The following LINGO2 variants were observed in gnomAD, a reference collection of about 807,000 sequenced individuals.
LINGO2 encodes leucine rich repeat and Ig domain containing 2.
A neutral mutation model predicts 30.6 loss-of-function variants in LINGO2; 14 were observed. The ratio of observed to expected loss-of-function variants is 0.46; its 90% CI spans 0.30 to 0.72. The LOEUF (loss-of-function observed/expected upper bound fraction) is 0.72, where lower values mean the gene tolerates loss of function less well. Ranked by LOEUF, LINGO2 falls within the 30% of genes least tolerant of loss-of-function variation. The pLI, the probability that LINGO2 is intolerant of heterozygous loss-of-function variation, is 0.07. For missense variants in LINGO2, 729 were observed against 751.7 expected, an observed-to-expected ratio of 0.97 and a Z score of 0.35; for synonymous variants, 317 against 288.5, an observed-to-expected ratio of 1.10 and a Z score of -1.00.
chr9:29,205,152 T>C, the LINGO2 span, among the ~76,000 whole-genome samples: 16 of 152,172 alleles, frequency 1.1e-4, no homozygotes, highest in Admixed American at 3.3e-4. Context: ...GTGATTCTCC[T>C]GCCTTAGCTT....
chr9:28,706,101 C>T, the LINGO2 span, among the ~76,000 whole-genome samples: 3 of 152,142 alleles, frequency 2.0e-5, no homozygotes, highest in South Asian at 6.2e-4. Context: ...TATTTATAAC[C>T]TCACGCTAGG....
At chr9:28,138,291 C>T (rs1827572591) in intron 4 of LINGO2, among the ~76,000 whole-genome samples, 1 of 152,064 alleles carries the variant, frequency 6.6e-6, no homozygotes, top group African/African-American at 2.4e-5. Flanking sequence ...TGATTTTTTT[C>T]CTTTGCTTTA....
intron 1 of LINGO2, among the ~76,000 whole-genome samples, chr9:28,557,524 T>C (rs887952769): frequency 2.0e-5 from 3 of 151,852 alleles, no homozygotes; most frequent in Non-Finnish European, 2.9e-5. Context: ...TGTGGAGAAA[T>C]AGGAACACTT....
chr9:27,946,048 G>C (rs1283148729), downstream of LINGO2, among the ~76,000 whole-genome samples: 1 of 152,106 alleles, frequency 6.6e-6, no homozygotes, highest in Non-Finnish European at 1.5e-5. Context: ...CGTCACAAGA[G>C]TATTACTCTA....
intron 4 of LINGO2, among the ~76,000 whole-genome samples, chr9:28,280,866 C>T (rs1193424764): frequency 6.6e-6 from 1 of 152,172 alleles, no homozygotes; most frequent in East Asian, 1.9e-4. Flanking sequence ...TGATGCTTCT[C>T]TGGGTAGTCA....
At chr9:28,253,258 T>G (rs1265057316) in intron 4 of LINGO2, among the ~76,000 whole-genome samples, 4 of 152,098 alleles carry the variant, frequency 2.6e-5, no homozygotes, top group African/African-American at 9.7e-5. Context: ...TGTAGGATAT[T>G]GACAGGTGCC....
chr9:29,055,949 C>CAGATAT, the LINGO2 span, among the ~76,000 whole-genome samples: 1 of 123,140 alleles, frequency 8.1e-6, no homozygotes, highest in Admixed American at 8.2e-5. Flanking sequence ...TGTATATATA[C>CAGATAT]ATATATATGT....
At chr9:29,103,279 G>A in the LINGO2 span, among the ~76,000 whole-genome samples, 1 of 142,886 alleles carries the variant, frequency 7.0e-6, no homozygotes, top group East Asian at 2.1e-4. Flanking sequence ...AACTTCTACA[G>A]CAGCTAGAAA....
chr9:28,577,326 CA>C (rs1305440519), intron 1 of LINGO2, among the ~76,000 whole-genome samples: 1 of 152,046 alleles, frequency 6.6e-6, no homozygotes. Flanking sequence ...TTTCTGAAAC[CA>C]GATGACTTCA....
chr9:28,669,306 CT>C (rs1015844421), intron 1 of LINGO2, among the ~76,000 whole-genome samples: 2 of 151,676 alleles, frequency 1.3e-5, no homozygotes, highest in Non-Finnish European at 2.9e-5. Context: ...TAGAAAACTT[CT>C]TTTTTTTCAG....
chr9:28,401,300 C>A (rs1274563218), intron 2 of LINGO2, among the ~76,000 whole-genome samples: 1 of 152,056 alleles, frequency 6.6e-6, no homozygotes, highest in East Asian at 1.9e-4. Flanking sequence ...CCCCAACCCC[C>A]AACAGGCCCT....
chr9:28,276,596 A>G (rs1396938496), intron 4 of LINGO2, among the ~76,000 whole-genome samples: 1 of 152,148 alleles, frequency 6.6e-6, no homozygotes, highest in Admixed American at 6.5e-5. Flanking sequence ...TCTGTTGGAA[A>G]AGTCTTTGTT....
chr9:29,163,736 A>G, the LINGO2 span, among the ~76,000 whole-genome samples: 3 of 152,214 alleles, frequency 2.0e-5, no homozygotes, highest in African/African-American at 7.2e-5. Context: ...TTACAAATGC[A>G]ACACTTTCAT....
intron 4 of LINGO2, among the ~76,000 whole-genome samples, chr9:28,117,732 G>A (rs1051730348): frequency 2.1e-5 from 3 of 145,624 alleles, no homozygotes; most frequent in South Asian, 2.3e-4. Flanking sequence ...GACCCCTTGC[G>A]CTTCCCAGGT....
chr9:28,982,310 A>G, the LINGO2 span, among the ~76,000 whole-genome samples: 3 of 152,096 alleles, frequency 2.0e-5, no homozygotes, highest in African/African-American at 7.2e-5. Context: ...GTCTTTTACT[A>G]ATAATTGAAA....
rs183133809 is a variant in LINGO2 at position 28,026,051 on chromosome 9, G to A, written c.-86-13646C>T. ...GTCTCCTGTTGCCTTTACTTACTGT[G>A]TTCTAGCTACTGAGGCCTTCCTTTG... On this transcript the variant is annotated intron_variant, in intron 4 of 5. Transcript: ENST00000379992. Among the ~76,000 whole-genome samples the A allele has an allele frequency of 5.3e-5, 8 of 152,208 alleles. No homozygotes were observed. In the East Asian group the frequency reaches 1.5e-3, roughly 29 times the overall value.
chr9:28,556,947 T>G (rs1479409382), intron 1 of LINGO2, among the ~76,000 whole-genome samples: 1 of 152,064 alleles, frequency 6.6e-6, no homozygotes, highest in South Asian at 2.1e-4. Flanking sequence ...TAGCCATATG[T>G]AGAAAGCTGA....
the LINGO2 span, among the ~76,000 whole-genome samples, chr9:28,799,343 C>G: frequency 6.6e-6 from 1 of 151,966 alleles, no homozygotes; most frequent in African/African-American, 2.4e-5. Flanking sequence ...GATAGAGAAG[C>G]AATGTCCATA....
At chr9:28,032,547 C>T (rs556314536) in intron 4 of LINGO2, among the ~76,000 whole-genome samples, 1 of 152,316 alleles carries the variant, frequency 6.6e-6, no homozygotes, top group East Asian at 1.9e-4. Context: ...TGCCTTTGGG[C>T]ATTCTCATTC....
Sources: gnomAD v4.1 joint callset for allele counts (sites outside exome capture counted in the v4.1 genomes callset) on GRCh38, gnomAD v4.1.1 for gene constraint, MANE v1.5 for transcripts, NCBI Gene and HGNC (gene_info 2026-07-23, HGNC 2026-07-21) for gene names.